ROBO2: variants seen among roughly 807,000 people sequenced by gnomAD.
ROBO2 encodes the protein roundabout homolog 2.
In ROBO2, 53 loss-of-function variants were observed where a neutral mutation model predicts 160.8. That is an observed-to-expected ratio of 0.33 (90% CI 0.26 to 0.41). The LOEUF (loss-of-function observed/expected upper bound fraction) is 0.41. Ranked by LOEUF, ROBO2 falls within the 10% of genes least tolerant of loss-of-function variation. ROBO2 has a pLI of 1.00. For missense variants in ROBO2, 1,577 were observed against 1,722.4 expected (o/e 0.92, Z 1.49); for synonymous variants, 664 against 611.7 (o/e 1.09, Z -1.26).
At chr3:77,213,706 G>T (rs900773824) in intron 2 of ROBO2, among the ~76,000 whole-genome samples, 1 of 151,822 alleles carries the variant, frequency 6.6e-6, no homozygotes, top group Non-Finnish European at 1.5e-5. Flanking sequence ...GCTTTCTCTT[G>T]TGGGCATTTA....
chr3:77,040,271 T>G (rs376065423), exon 1 of ROBO2: 1 of 994,542 alleles, frequency 1.0e-6, no homozygotes, highest in Non-Finnish European at 1.2e-6. Context: ...AGTAAAAATA[T>G]AGACATATTA....
At chr3:77,101,851 G>A (rs2071978171) in intron 2 of ROBO2, among the ~76,000 whole-genome samples, 1 of 152,064 alleles carries the variant, frequency 6.6e-6, no homozygotes, top group Admixed American at 6.6e-5. Context: ...ACCAGCCTGG[G>A]CAACATGGTG....
chr3:76,024,020 GT>G (rs1342381222), intron 2 of ROBO2, among the ~76,000 whole-genome samples: 2 of 151,012 alleles, frequency 1.3e-5, no homozygotes, highest in African/African-American at 4.9e-5. Context: ...TATTTCATAG[GT>G]TTTATATAAA....
chr3:76,124,696 A>C (rs912957195), intron 2 of ROBO2, among the ~76,000 whole-genome samples: 4 of 151,992 alleles, frequency 2.6e-5, no homozygotes, highest in Admixed American at 2.6e-4. Flanking sequence ...TAAAGTTACA[A>C]TGAACTTCTC....
chr3:76,104,053 G>A (rs1419420209), intron 2 of ROBO2, among the ~76,000 whole-genome samples: 2 of 152,102 alleles, frequency 1.3e-5, no homozygotes, highest in Non-Finnish European at 1.5e-5. Context: ...AGGAATATAC[G>A]ACATCCAGAG....
intron 2 of ROBO2, among the ~76,000 whole-genome samples, chr3:76,580,342 G>GTTTTTTTTTTGTTTTTTTTTTTTGTT (rs2085604163): frequency 2.2e-5 from 2 of 90,562 alleles, no homozygotes; most frequent in African/African-American, 4.4e-5. Flanking sequence ...TTTTTTTTGT[G>GTTTTTTTTTTGTTTTTTTTTTTTGTT]TTTTTTTTTT....
At chr3:76,989,311 A>G (rs1477904494) in intron 2 of ROBO2, among the ~76,000 whole-genome samples, 1 of 152,164 alleles carries the variant, frequency 6.6e-6, no homozygotes, top group Non-Finnish European at 1.5e-5. Flanking sequence ...AGCTACATAA[A>G]CTGATGAATG....
intron 2 of ROBO2, among the ~76,000 whole-genome samples, chr3:76,969,834 AGTGT>A (rs372433106): frequency 2.6e-5 from 4 of 151,422 alleles, no homozygotes; most frequent in East Asian, 1.9e-4. Flanking sequence ...TGTGTGTGTT[AGTGT>A]GTGTGTGTGT....
chr3:76,530,797 A>G (rs190431488), intron 2 of ROBO2, among the ~76,000 whole-genome samples: 337 of 152,318 alleles, frequency 2.2e-3, no homozygotes, highest in Non-Finnish European at 3.9e-3. Flanking sequence ...CTATTTCAAA[A>G]AAGATTATCC....
At chr3:76,002,599 T>C (rs2107571279) in intron 2 of ROBO2, among the ~76,000 whole-genome samples, 1 of 152,290 alleles carries the variant, frequency 6.6e-6, no homozygotes, top group South Asian at 2.1e-4. Context: ...GGAATGAGCC[T>C]TTAATCTTCT....
intron 5 of ROBO2, among the ~76,000 whole-genome samples, chr3:77,514,231 A>AGGC (rs2089744881): frequency 6.6e-6 from 1 of 151,778 alleles, no homozygotes. Flanking sequence ...TTCTTAAAGA[A>AGGC]TGCTAAATGC....
intron 2 of ROBO2, among the ~76,000 whole-genome samples, chr3:76,554,125 T>A (rs541861303): frequency 6.6e-6 from 1 of 152,302 alleles, no homozygotes; most frequent in Non-Finnish European, 1.5e-5. Context: ...GTGAAACAAT[T>A]TTTGGTAGAT....
intron 5 of ROBO2, among the ~76,000 whole-genome samples, chr3:77,499,753 A>T (rs1325533404): frequency 6.8e-6 from 1 of 147,926 alleles, no homozygotes; most frequent in Non-Finnish European, 1.5e-5. Flanking sequence ...GGTTCAAGTG[A>T]TTCTCCTGCC....
At chr3:77,338,933 T>C (rs576067485) in intron 2 of ROBO2, among the ~76,000 whole-genome samples, 16 of 152,262 alleles carry the variant, frequency 1.1e-4, no homozygotes, top group Admixed American at 4.6e-4. Context: ...ATAGATCTGA[T>C]AATAGAAACA....
chr3:76,261,751 A>C (rs1384291754), intron 2 of ROBO2, among the ~76,000 whole-genome samples: 1 of 152,120 alleles, frequency 6.6e-6, no homozygotes, highest in South Asian at 2.1e-4. Flanking sequence ...TGTATGTATT[A>C]GAATGTATTT....
In ROBO2 at chr3:76,290,916, G is replaced by T. The variant is rs562229527; in HGVS notation, c.109+353314G>T. On this transcript the variant is annotated intron_variant, in intron 2 of 26. Coordinates refer to the ROBO2 transcript ENST00000487694. ...TTTCATGTGCAGCTGGATTCAGTTT[G>T]CTAGTATTTAGTTGAGGATTTTTGC... 2.6e-4 allele frequency among the ~76,000 whole-genome samples: 39 copies of T among 152,164 alleles called. 1 individual carries two copies. Among genetic ancestry groups the T allele is most frequent in the Admixed American group, 9.8e-4 (15 of 15,266 alleles).
At chr3:76,519,615 G>A (rs747417944) in intron 2 of ROBO2, among the ~76,000 whole-genome samples, 7 of 152,126 alleles carry the variant, frequency 4.6e-5, no homozygotes, top group Middle Eastern at 3.4e-3. Context: ...CAGATTTTAC[G>A]CTTCTCACTT....
At chr3:77,564,059 GT>G (rs990057684) in intron 11 of ROBO2, among the ~76,000 whole-genome samples, 4 of 151,690 alleles carry the variant, frequency 2.6e-5, no homozygotes, top group African/African-American at 9.7e-5. Flanking sequence ...GATAACCACT[GT>G]TTTTTTTAAA....
At chr3:77,587,410 G>A (rs530048248) in intron 16 of ROBO2, among the ~76,000 whole-genome samples, 2 of 152,180 alleles carry the variant, frequency 1.3e-5, no homozygotes, top group Admixed American at 1.3e-4. Flanking sequence ...GTAAACAAGT[G>A]AATTGAGATT....
Sources: gnomAD v4.1 joint callset for allele counts (sites outside exome capture counted in the v4.1 genomes callset) on GRCh38, gnomAD v4.1.1 for gene constraint, MANE v1.5 for transcripts, NCBI Gene and HGNC (gene_info 2026-07-23, HGNC 2026-07-21) for gene names.